Variants in ZRANB3 observed in about 807,000 individuals in gnomAD.
ZRANB3 encodes zinc finger RANBP2-type containing 3, also known as DNA annealing helicase and endonuclease ZRANB3.
In ZRANB3, 125 loss-of-function variants were observed where a neutral mutation model predicts 133.8. That is an observed-to-expected ratio of 0.93 (90% CI 0.81 to 1.08). The LOEUF is 1.08. Among genes scored for constraint, ZRANB3 ranks in the 50% least tolerant of loss-of-function variants. The probability of loss-of-function intolerance (pLI) is 0.00; values close to 1 mark genes in which losing one functional copy is unlikely to be tolerated. For missense variants in ZRANB3, 1,229 were observed against 1,275.5 expected, an observed-to-expected ratio of 0.96 and a Z score of 0.56; for synonymous variants, 387 against 432.7, an observed-to-expected ratio of 0.89 and a Z score of 1.31.
At chr2:135,451,918 G>GAC (rs1690290489) in intron 2 of ZRANB3, among the ~76,000 whole-genome samples, 1 of 152,130 alleles carries the variant, frequency 6.6e-6, no homozygotes, top group African/African-American at 2.4e-5. Context: ...CAACAGATAA[G>GAC]ACATTGTAGA....
intron 1 of ZRANB3, among the ~76,000 whole-genome samples, chr2:135,526,788 G>A (rs562262877): frequency 6.6e-5 from 10 of 152,140 alleles, no homozygotes; most frequent in African/African-American, 1.4e-4. Context: ...TTTTAAGTCC[G>A]ATAAAAAACA....
intron 2 of ZRANB3, among the ~76,000 whole-genome samples, chr2:135,430,352 T>G (rs560561069): frequency 3.9e-5 from 6 of 151,992 alleles, no homozygotes; most frequent in Non-Finnish European, 5.9e-5. Flanking sequence ...TTAAGGATAC[T>G]AATGAGGAAT....
intron 8 of ZRANB3, among the ~76,000 whole-genome samples, chr2:135,285,149 G>A (rs1681294000): frequency 6.6e-6 from 1 of 152,000 alleles, no homozygotes; most frequent in African/African-American, 2.4e-5. Flanking sequence ...CTGGCAAAGA[G>A]GTTATTTCTT....
chr2:135,380,096 C>G (rs1343371522), intron 3 of ZRANB3, among the ~76,000 whole-genome samples: 1 of 152,176 alleles, frequency 6.6e-6, no homozygotes, highest in Admixed American at 6.5e-5. Context: ...GGGATCAATT[C>G]AACAAGAAGA....
At chr2:135,451,180 T>C (rs1311451469) in intron 2 of ZRANB3, among the ~76,000 whole-genome samples, 2 of 152,174 alleles carry the variant, frequency 1.3e-5, no homozygotes, top group South Asian at 4.1e-4. Flanking sequence ...AAACTAGCTA[T>C]GTCCTAGAAT....
At position 135,315,489 on chromosome 2, in the gene ZRANB3, G is replaced by T; in HGVS notation, c.719C>A (p.Ser240Ter). The T allele has an allele frequency of 6.3e-7, 1 of 1,589,644 alleles. No homozygotes were observed. The highest frequency in any genetic ancestry group is 8.5e-7 in the Non-Finnish European group (1 of 1,170,420). The change falls in exon 7 of 21, where the codon TCA becomes TAA. Residue 240 changes from serine to a stop codon, truncating the protein, a stop_gained. Transcript: ENST00000264159. LOFTEE classifies it high-confidence loss of function. Reference sequence around the variant, plus strand: ...TAGCTGGTGAAGTTCATTAAGATTTGATGCCCCTCTACAATCCCACTGAGG... The same window carrying T: ...TAGCTGGTGAAGTTCATTAAGATTTTATGCCCCTCTACAATCCCACTGAGG... ...KRPQWDCRGASNLNELHQLLS... is the reference protein window; with the variant it reads ...KRPQWDCRGA
At chr2:135,493,915 A>G (rs1289795047) in intron 2 of ZRANB3, among the ~76,000 whole-genome samples, 1 of 152,212 alleles carries the variant, frequency 6.6e-6, no homozygotes, top group African/African-American at 2.4e-5. Context: ...TGACATATTC[A>G]GAGGTAAAAC....
intron 6 of ZRANB3, among the ~76,000 whole-genome samples, chr2:135,324,058 T>A: frequency 6.6e-6 from 1 of 152,204 alleles, no homozygotes; most frequent in East Asian, 1.9e-4. Context: ...CATGAGCCAC[T>A]GTGTCTGGCC....
chr2:135,229,192 C>CA (rs766640034), intron 13 of ZRANB3, among the ~76,000 whole-genome samples: 57 of 152,066 alleles, frequency 3.7e-4, no homozygotes, highest in Non-Finnish European at 7.8e-4. Flanking sequence ...TATAACCACT[C>CA]AGAGGGCAGA....
chr2:135,243,323 G>A (rs1263532319), intron 12 of ZRANB3, among the ~76,000 whole-genome samples: 1 of 152,202 alleles, frequency 6.6e-6, no homozygotes, highest in East Asian at 1.9e-4. Flanking sequence ...AGATCAGTCT[G>A]GCCAAGATGG....
Position 135,269,060 on chromosome 2 carries a change from G to A in ZRANB3, c.1288C>T (p.Arg430Ter), listed in dbSNP as rs766258138. ...CTGCACTGGCCAATTCTGTGAGCTC[G>A]GTCTTCTGCTTGTTTTATATGTCCA... The part of the protein sequence containing the change: ...DPGHIKQAED[R>*]AHRIGQCSSV... Residue 430 changes from arginine to a stop codon, truncating the protein, a stop_gained, in exon 11 of 21, where the codon CGA (arginine) becomes TGA (stop). Transcript: ENST00000264159. LOFTEE classifies it high-confidence loss of function. The A allele has an allele frequency of 2.4e-5, 38 of 1,612,738 alleles. No individual in the cohort carries two copies. Among genetic ancestry groups the A allele is most frequent in the East Asian group, 4.5e-5 (2 of 44,776 alleles).
intron 2 of ZRANB3, among the ~76,000 whole-genome samples, chr2:135,447,992 G>A (rs1365682132): frequency 6.6e-6 from 1 of 152,096 alleles, no homozygotes; most frequent in East Asian, 1.9e-4. Flanking sequence ...CTAGAGTATT[G>A]TACAAAGATG....
chr2:135,253,264 T>C (rs537149953), intron 12 of ZRANB3, among the ~76,000 whole-genome samples: 1 of 152,240 alleles, frequency 6.6e-6, no homozygotes, highest in East Asian at 1.9e-4. Context: ...GTGCTCACAG[T>C]GGAAGCAGAA....
At chr2:135,352,060 A>G (rs1440854635) in intron 4 of ZRANB3, among the ~76,000 whole-genome samples, 1 of 152,146 alleles carries the variant, frequency 6.6e-6, no homozygotes, top group Admixed American at 6.6e-5. Flanking sequence ...AGCCAGGTGC[A>G]GTGGCTCACG....
chr2:135,359,615 A>G (rs1259554977), intron 3 of ZRANB3, among the ~76,000 whole-genome samples: 3 of 151,846 alleles, frequency 2.0e-5, no homozygotes, highest in Non-Finnish European at 4.4e-5. Context: ...AGAAAAAAGA[A>G]AAGAAAAGAA....
chr2:135,437,891 T>C (rs1689615125), intron 2 of ZRANB3, among the ~76,000 whole-genome samples: 1 of 152,188 alleles, frequency 6.6e-6, no homozygotes, highest in Non-Finnish European at 1.5e-5. Context: ...ATCAGCAGAC[T>C]GTGTAAACAT....
At chr2:135,241,389 T>A (rs577689091) in intron 12 of ZRANB3, among the ~76,000 whole-genome samples, 4 of 151,712 alleles carry the variant, frequency 2.6e-5, no homozygotes, top group Admixed American at 1.3e-4. Flanking sequence ...TTTACCGTAT[T>A]CTCATTTTAT....
chr2:135,384,322 T>A (rs955848143), intron 3 of ZRANB3, among the ~76,000 whole-genome samples: 3 of 152,190 alleles, frequency 2.0e-5, no homozygotes, highest in East Asian at 1.9e-4. Context: ...AATAGACCAA[T>A]AACAGGCTCT....
intron 15 of ZRANB3, among the ~76,000 whole-genome samples, chr2:135,221,634 C>T (rs1175203840): frequency 2.0e-5 from 3 of 152,232 alleles, no homozygotes; most frequent in African/African-American, 4.8e-5. Flanking sequence ...CCTCTTGGGA[C>T]CATTTCTCTG....
Sources: allele counts gnomAD v4.1 joint callset (sites outside exome capture counted in the v4.1 genomes callset), GRCh38; gene constraint gnomAD v4.1.1; transcripts MANE v1.5; gene names NCBI Gene and HGNC (gene_info 2026-07-23, HGNC 2026-07-21).